Variants in BCAR3 observed in about 807,000 individuals in gnomAD.
BCAR3 encodes breast cancer anti-estrogen resistance protein 3.
BCAR3 carries 37 observed loss-of-function variants against 80.1 expected under a neutral mutation model. That is an observed-to-expected ratio of 0.46 (90% CI 0.36 to 0.61). The LOEUF is 0.61. Among genes scored for constraint, BCAR3 ranks in the 20% least tolerant of loss-of-function variants. The pLI is 0.00. For synonymous variants in BCAR3, 389 were observed against 418.9 expected, an observed-to-expected ratio of 0.93 and a Z score of 0.87; for missense variants, 978 against 1,068.2, an observed-to-expected ratio of 0.92 and a Z score of 1.18.
At chr1:93,585,898 C>T (rs896379870) in intron 5 of BCAR3, among the ~76,000 whole-genome samples, 1 of 152,014 alleles carries the variant, frequency 6.6e-6, no homozygotes, top group Non-Finnish European at 1.5e-5. Context: ...ACCACCATGC[C>T]CAGCTAATTT....
intron 1 of BCAR3, 65 bp downstream of exon 1, chr1:93,681,533 G>A (rs1222692269): frequency 2.6e-5 from 4 of 152,096 alleles, no homozygotes; most frequent in Admixed American, 6.5e-5. Flanking sequence ...ACCGGGGTGG[G>A]GGAGGCCCAG....
rs142058795 is a variant in BCAR3 at position 93,612,271 on chromosome 1, C to T, written c.358-19878G>A. ...CCTTCTCTCTGTGCTATGAAGACTT[C>T]GACAAACTGGGAATAGAGTAGAAGT... On this transcript the variant is annotated intron_variant, in intron 3 of 11. Transcript: ENST00000260502. 4.8e-3 allele frequency among the ~76,000 whole-genome samples: 729 copies of T among 152,150 alleles called. 8 individuals carry two copies. The highest frequency in any genetic ancestry group is 0.017 in the Middle Eastern group (5 of 294).
chr1:93,604,388 G>A (rs1027070215), intron 3 of BCAR3, among the ~76,000 whole-genome samples: 14 of 152,162 alleles, frequency 9.2e-5, no homozygotes, highest in Admixed American at 8.5e-4. Context: ...TAAATATGAA[G>A]AGGATATCTG....
intron 2 of BCAR3, among the ~76,000 whole-genome samples, chr1:93,759,558 G>GT (rs1651861976): frequency 6.6e-6 from 1 of 152,210 alleles, no homozygotes; most frequent in Non-Finnish European, 1.5e-5. Context: ...TAAGTTTCCT[G>GT]TTTTTTCTTC....
At chr1:93,777,474 C>CTCCTCTTCT (rs1557685285) in intron 2 of BCAR3, among the ~76,000 whole-genome samples, 6 of 119,636 alleles carry the variant, frequency 5.0e-5, no homozygotes, top group African/African-American at 2.3e-4. Context: ...CCTCTTCTTC[C>CTCCTCTTCT]TCCTCCTCCT....
chr1:93,760,043 C>A lies in BCAR3; in HGVS notation c.-62-53901G>T, dbSNP rs376784977. Among the ~76,000 whole-genome samples the A allele has an allele frequency of 3.3e-5, 5 of 152,104 alleles. No individual in the cohort carries two copies. The East Asian group carries it at 5.8e-4, about 18-fold the overall frequency. On this transcript the variant is annotated intron_variant, in intron 2 of 13. Transcript: ENST00000370244. ...AGCTTGCTGGAGGAAGGGTAACTTA[C>A]GTAAACTAGGTGTGAAAGCAGGAAC...
At chr1:93,787,569 T>G (rs1419879300) in intron 2 of BCAR3, among the ~76,000 whole-genome samples, 2 of 152,216 alleles carry the variant, frequency 1.3e-5, no homozygotes. Flanking sequence ...CATTGTTAAC[T>G]CAAAGATCAT....
upstream of BCAR3, among the ~76,000 whole-genome samples, chr1:93,681,987 T>G (rs78289743): frequency 0.011 from 1,649 of 151,826 alleles, 29 homozygotes; most frequent in African/African-American, 0.038. Flanking sequence ...GATTTTAGAG[T>G]TTGGCTCTCT....
intron 2 of BCAR3, among the ~76,000 whole-genome samples, chr1:93,755,380 C>T (rs1050091304): frequency 1.3e-5 from 2 of 152,188 alleles, no homozygotes; most frequent in Non-Finnish European, 2.9e-5. Context: ...ACTGACTCAC[C>T]CAGAACAACT....
intron 2 of BCAR3, among the ~76,000 whole-genome samples, chr1:93,814,597 C>G (rs951736844): frequency 6.6e-6 from 1 of 152,224 alleles, no homozygotes; most frequent in East Asian, 1.9e-4. Context: ...CTCTGGGCAG[C>G]CCTCATGGAG....
chr1:93,845,502 A>ATATATATCTATATGTTGTCAAG, intron 2 of BCAR3: 1 of 113,822 alleles, frequency 8.8e-6, no homozygotes, highest in Non-Finnish European at 1.8e-5. Context: ...ATATATATAT[A>ATATATATCTATATGTTGTCAAG]AAACTTTGTT....
intron 2 of BCAR3, among the ~76,000 whole-genome samples, chr1:93,727,889 C>T (rs1414089904): frequency 6.6e-6 from 1 of 152,162 alleles, no homozygotes; most frequent in Non-Finnish European, 1.5e-5. Context: ...AAGATGAGAA[C>T]ATCCTGGATT....
intron 4 of BCAR3, among the ~76,000 whole-genome samples, chr1:93,591,531 C>T (rs1332231897): frequency 2.0e-5 from 3 of 152,118 alleles, no homozygotes; most frequent in Non-Finnish European, 4.4e-5. Context: ...CCTGTCCACA[C>T]ACTTCCTGTC....
chr1:93,562,250 T>C lies in BCAR3; in HGVS notation c.2469A>G (p.Ala823=), dbSNP rs1226190187. The part of the protein sequence containing the change: ...RKLEPPPVKQ[A]EL ...GTTCTCTGGAGAGTTATCAAAGCTC[T>C]GCCTGCTTTACAGGAGGAGGTTCCA... Residue 823 remains alanine (A), a synonymous_variant, in exon 12 of 12, where the codon GCA becomes GCG. Transcript: ENST00000260502. The C allele has an allele frequency of 6.2e-7, 1 of 1,613,562 alleles. No individual in the cohort carries two copies. The highest frequency in any genetic ancestry group is 8.5e-7 in the Non-Finnish European group (1 of 1,179,726).
chr1:93,833,548 G>GCGA (rs1255346586), intron 2 of BCAR3, among the ~76,000 whole-genome samples: 3 of 152,174 alleles, frequency 2.0e-5, no homozygotes, highest in Non-Finnish European at 2.9e-5. Context: ...CACTCCCAGA[G>GCGA]CGGTCATTTT....
intron 3 of BCAR3, among the ~76,000 whole-genome samples, chr1:93,609,531 T>C (rs968723601): frequency 6.6e-6 from 1 of 152,182 alleles, no homozygotes; most frequent in African/African-American, 2.4e-5. Flanking sequence ...AAGTGACAAG[T>C]TTCAGCTCCT....
chr1:93,580,244 T>C (rs140538972), intron 7 of BCAR3, among the ~76,000 whole-genome samples: 345 of 152,306 alleles, frequency 2.3e-3, no homozygotes, highest in Middle Eastern at 6.8e-3. Context: ...GCAGGAGTGT[T>C]CTGAGACTGG....
chr1:93,582,670 G>A lies in BCAR3; in HGVS notation c.1317C>T (p.Gly439=). The A allele has an allele frequency of 1.9e-6, 3 of 1,614,132 alleles. No individual in the cohort carries two copies. Among genetic ancestry groups the A allele is most frequent in the African/African-American group, 1.3e-5 (1 of 75,038 alleles). The change falls in exon 7 of 12, where the codon GGC becomes GGT. Residue 439 remains glycine (G), a synonymous_variant. Transcript: ENST00000260502. ...YCELNPAFAT[G]CGRGAKLPSC... ...AGGGTAGCTTTGCTCCCCTGCCGCAGCCTGTGGCAAACGCTGGGTTCAGTT... is the reference window on the plus strand; with the variant it reads ...AGGGTAGCTTTGCTCCCCTGCCGCAACCTGTGGCAAACGCTGGGTTCAGTT...
chr1:93,607,204 A>T (rs923001279), intron 3 of BCAR3, among the ~76,000 whole-genome samples: 3 of 152,290 alleles, frequency 2.0e-5, no homozygotes, highest in East Asian at 1.9e-4. Flanking sequence ...CCGCTATGCA[A>T]TATATCCATG....
Sources: gnomAD v4.1 joint callset for allele counts (sites outside exome capture counted in the v4.1 genomes callset) on GRCh38, gnomAD v4.1.1 for gene constraint, MANE v1.5 for transcripts, NCBI Gene and HGNC (gene_info 2026-07-23, HGNC 2026-07-21) for gene names.